LIMK2: variants seen among roughly 807,000 people sequenced by gnomAD.
LIMK2 encodes the protein LIM domain kinase 2.
A neutral mutation model predicts 75.7 loss-of-function variants in LIMK2; 35 were observed. That is an observed-to-expected ratio of 0.46 (90% CI 0.35 to 0.61). LIMK2 has a LOEUF of 0.61. Ranked by LOEUF, LIMK2 falls within the 20% of genes least tolerant of loss-of-function variation. LIMK2 has a pLI of 0.00. For synonymous variants in LIMK2, 301 were observed against 319.2 expected (o/e 0.94, Z 0.61); for missense variants, 623 against 831.0 (o/e 0.75, Z 3.08).
Position 31,225,784 on chromosome 22 carries a change from G to T in LIMK2, c.81G>T (p.Arg27Ser). Residue 27 changes from arginine to serine, a missense_variant, in exon 2 of 16, where the codon AGG (arginine) becomes AGT (serine). Coordinates refer to ENST00000331728, the MANE Select transcript of LIMK2 (RefSeq NM_005569.4). ...TTGCTCCAAGCCAGATATGGTACAGGACTGTCAACGAAACCTGGCACGGCT... is the reference window on the plus strand; with the variant it reads ...TTGCTCCAAGCCAGATATGGTACAGTACTGTCAACGAAACCTGGCACGGCT... ...DHIAPSQIWY[R>S]TVNETWHGSC... The T allele has an allele frequency of 6.2e-7, 1 of 1,614,104 alleles. No individual in the cohort carries two copies. The highest frequency in any genetic ancestry group is 1.1e-5 in the South Asian group (1 of 91,070).
chr22:31,213,616 T>A (rs1033885658), intron 1 of LIMK2, among the ~76,000 whole-genome samples: 6 of 152,018 alleles, frequency 3.9e-5, no homozygotes, highest in African/African-American at 1.5e-4. Context: ...TAAAACAAAT[T>A]TTTTTAGGCT....
chr22:31,251,690 A>G (rs2048726621), intron 2 of LIMK2, among the ~76,000 whole-genome samples: 1 of 152,216 alleles, frequency 6.6e-6, no homozygotes. Flanking sequence ...CATATTCCAT[A>G]ATAATTACAG....
intron 14 of LIMK2, among the ~76,000 whole-genome samples, 160 bp downstream of exon 14, chr22:31,273,667 T>G (rs954693073): frequency 6.6e-6 from 1 of 152,118 alleles, no homozygotes; most frequent in Non-Finnish European, 1.5e-5. Flanking sequence ...CTTTGCCACG[T>G]TCGTGTTTCA....
Position 31,259,979 on chromosome 22 carries a change from G to A in LIMK2, c.453G>A (p.Thr151=), listed in dbSNP as rs779029483. The stretch of plus-strand genomic sequence containing the variant: ...AGGAGCAGCTGCCCTACTCTGTCAC[G>A]CTCATCTCCATGCCGGCCACCACTG... The part of the protein sequence containing the change: ...SVQEQLPYSV[T]LISMPATTEG... Residue 151 remains threonine, a synonymous_variant, in exon 5 of 16, where the codon ACG becomes ACA. Transcript: ENST00000331728. 54 of 1,611,436 alleles carry A rather than the reference G, an allele frequency of 3.4e-5. No homozygotes were observed. The highest frequency in any genetic ancestry group is 4.4e-5 in the South Asian group (4 of 90,860).
Position 31,262,275 on chromosome 22 carries a change from G to A in LIMK2, c.657+36G>A, listed in dbSNP as rs1455631581. 1.4e-6 allele frequency: 2 copies of A among 1,476,160 alleles called. No individual in the cohort carries two copies. The highest frequency in any genetic ancestry group is 9.5e-7 in the Non-Finnish European group (1 of 1,054,032). 91.4% of individuals were successfully genotyped at this position (1,476,160 alleles called of 1,614,324 possible). On this transcript the variant is annotated intron_variant, in intron 6 of 15. Transcript: ENST00000331728. The surrounding 1 kb of genome is among the most constrained non-coding windows in gnomAD (Gnocchi z 5.0). Reference sequence around the variant, plus strand: ...TGTCTAATCTGTCTTGTGAGGGTGGGACATGGAACAGATCCTCTGAGAAAT... The same window carrying A: ...TGTCTAATCTGTCTTGTGAGGGTGGAACATGGAACAGATCCTCTGAGAAAT...
chr22:31,263,540 A>G (rs912354984), intron 7 of LIMK2, among the ~76,000 whole-genome samples: 1 of 152,180 alleles, frequency 6.6e-6, no homozygotes, highest in African/African-American at 2.4e-5. Flanking sequence ...TCTTAGTATC[A>G]CTAAGAATCA....
chr22:31,239,234 T>C (rs1380680714), intron 2 of LIMK2, among the ~76,000 whole-genome samples: 1 of 152,260 alleles, frequency 6.6e-6, no homozygotes, highest in East Asian at 1.9e-4. Flanking sequence ...GCATTCTCTT[T>C]GGCATTTCAG....
chr22:31,236,507 G>A (rs2123793388), intron 2 of LIMK2, among the ~76,000 whole-genome samples: 1 of 151,126 alleles, frequency 6.6e-6, no homozygotes, highest in South Asian at 2.1e-4. Flanking sequence ...TACTCAGGAG[G>A]CTGAGGCGAG....
chr22:31,248,517 T>C, intron 2 of LIMK2: 1 of 1,571,304 alleles, frequency 6.4e-7, no homozygotes, highest in Non-Finnish European at 8.6e-7. Flanking sequence ...TGAGCCCCTG[T>C]GGGAATCTGC....
intron 8 of LIMK2, 85 bp downstream of exon 8, chr22:31,266,217 AC>A: frequency 7.4e-7 from 1 of 1,352,372 alleles, no homozygotes; most frequent in Non-Finnish European, 1.0e-6. Flanking sequence ...ACTTGGCCCC[AC>A]CCCACACCAT....
At chr22:31,276,644 G>A (rs1238421588) in intron 15 of LIMK2, 2 of 1,002,692 alleles carry the variant, frequency 2.0e-6, no homozygotes, top group Non-Finnish European at 2.4e-6. Context: ...CGGAGGCGGC[G>A]GCACAAGGAG....
intron 15 of LIMK2, chr22:31,276,719 G>C (rs1260291289): frequency 7.0e-7 from 1 of 1,427,362 alleles, no homozygotes; most frequent in African/African-American, 1.5e-5. Context: ...CGGGGGGCGC[G>C]GCGTTGGCGG....
chr22:31,258,200 C>A (rs1336710534), intron 2 of LIMK2, 91 bp from the exon 3 acceptor site: 4 of 1,337,778 alleles, frequency 3.0e-6, no homozygotes, highest in African/African-American at 1.5e-5. Flanking sequence ...GAGGACTGTC[C>A]ATTTTGTTGT....
In LIMK2 at chr22:31,278,433, C is replaced by T. The variant is rs1479001084; in HGVS notation, c.1909C>T (p.Pro637Ser). The change falls in exon 16 of 16, where the codon CCT (proline) becomes TCT (serine). Residue 637 changes from proline (P) to serine (S), a missense_variant. This residue lies in a region of LIMK2 where 46 missense variants were observed against 46.9 expected (regional missense o/e 0.98). Coordinates refer to ENST00000331728, the MANE Select transcript of LIMK2 (RefSeq NM_005569.4). ...SMQYGLTRDS[P>S]P ...GCAGTACGGCCTGACCCGGGACTCACCTCCCTAGCCCTGGCCCAGCCCCCT... is the reference window on the plus strand; with the variant it reads ...GCAGTACGGCCTGACCCGGGACTCATCTCCCTAGCCCTGGCCCAGCCCCCT... 4 of 1,607,888 alleles carry T rather than the reference C, an allele frequency of 2.5e-6. No homozygotes were observed. In the Admixed American group the frequency reaches 6.8e-5, roughly 27 times the overall value.
Position 31,236,293 on chromosome 22 carries a change from TA to T in LIMK2, c.116+10492del, listed in dbSNP as rs58401512. ...TGGGTGACAAGAGCTAGACTCAGTCTAAAAAAAAAAAAAAAAAACAAACTGG... is the reference window on the plus strand; with the variant it reads ...TGGGTGACAAGAGCTAGACTCAGTCTAAAAAAAAAAAAAAAAACAAACTGG... On this transcript the variant is annotated intron_variant, in intron 2 of 15. Transcript: ENST00000331728. Among the ~76,000 whole-genome samples, 872 of 104,108 alleles carry T rather than the reference TA, an allele frequency of 8.4e-3. 8 individuals carry two copies. The highest frequency in any genetic ancestry group is 0.02 in the African/African-American group (572 of 28,684). The allele number at this position is 104,108 out of a possible 152,430, so 68.3% of individuals were successfully genotyped here.
intron 1 of LIMK2, among the ~76,000 whole-genome samples, chr22:31,217,135 CTCACGCCTGTAA>C (rs1198697411): frequency 6.6e-6 from 1 of 152,094 alleles, no homozygotes; most frequent in Non-Finnish European, 1.5e-5. Flanking sequence ...GGTGCAGTGG[CTCACGCCTGTAA>C]TCCCAGCACT....
chr22:31,212,461 C>T, intron 1 of LIMK2, 37 bp downstream of exon 1: 2 of 1,316,496 alleles, frequency 1.5e-6, no homozygotes, highest in East Asian at 2.8e-5. Flanking sequence ...CCGCTGTTAT[C>T]TCCGAAGTCC....
intron 1 of LIMK2, among the ~76,000 whole-genome samples, chr22:31,215,470 T>C (rs1250384751): frequency 1.3e-5 from 2 of 152,154 alleles, no homozygotes; most frequent in African/African-American, 4.8e-5. Context: ...ATGTATAGTC[T>C]CCTTGTTTTA....
Position 31,267,875 on chromosome 22 carries a change from G to C in LIMK2, c.1228G>C (p.Gly410Arg). 1 of 1,610,158 alleles carries C rather than the reference G, an allele frequency of 6.2e-7. No individual in the cohort carries two copies. The highest frequency in any genetic ancestry group is 1.1e-5 in the South Asian group (1 of 90,544). The change falls in exon 10 of 16, where the codon GGG becomes CGG. Residue 410 changes from glycine (G) to arginine (R), a missense_variant. Transcript: ENST00000331728. ...GAACCTCCTGACAGAGTACATTGAG[G>C]GGGGCACACTGAAGGACTTTCTGCG... is the stretch of plus-strand genomic sequence containing the variant. ...KLNLLTEYIE[G>R]GTLKDFLRSM...
Sources: allele counts gnomAD v4.1 joint callset (sites outside exome capture counted in the v4.1 genomes callset), GRCh38; gene constraint gnomAD v4.1.1; regional missense constraint gnomAD v4.1.1; non-coding constraint Gnocchi (gnomAD v3.1); transcripts MANE v1.5; gene names NCBI Gene and HGNC (gene_info 2026-07-23, HGNC 2026-07-21).